The following APBB2 variants were observed in gnomAD, a reference collection of about 807,000 sequenced individuals.
The protein encoded by APBB2 is Fe65-like 1.
A neutral mutation model predicts 82.5 loss-of-function variants in APBB2; 38 were observed. That is an observed-to-expected ratio of 0.46 (90% CI 0.36 to 0.60). The LOEUF is 0.60. APBB2 is among the 20% of genes least tolerant of loss of function. APBB2 has a pLI of 0.00. For missense variants in APBB2, 772 were observed against 972.3 expected, an observed-to-expected ratio of 0.79 and a Z score of 2.74; for synonymous variants, 341 against 368.2, an observed-to-expected ratio of 0.93 and a Z score of 0.85.
In APBB2 at chr4:41,180,354, C is replaced by G. The variant is rs138413179; in HGVS notation, c.-417+34051G>C. Among the ~76,000 whole-genome samples the G allele has an allele frequency of 8.4e-3, 1,285 of 152,262 alleles. 29 individuals are homozygous for G. The highest frequency in any genetic ancestry group is 0.03 in the African/African-American group (1,239 of 41,530). ...ACACAGTGGCTCACGTCAGTAATCCCAGCCCCATGGGAGGGGGAGACGGGA... is the reference window on the plus strand; with the variant it reads ...ACACAGTGGCTCACGTCAGTAATCCGAGCCCCATGGGAGGGGGAGACGGGA... On this transcript the variant is annotated intron_variant, in intron 1 of 17. Coordinates refer to ENST00000508593, the MANE Select transcript of APBB2 (RefSeq NM_004307.2).
intron 2 of APBB2, among the ~76,000 whole-genome samples, chr4:41,141,320 G>C (rs1359665666): frequency 6.0e-5 from 2 of 33,204 alleles, no homozygotes; most frequent in African/African-American, 8.0e-5. Context: ...GTGTCTGTGT[G>C]TGTGTGTGTG....
At position 40,810,077 on chromosome 4, in the gene APBB2, TTACA is replaced by T. The variant is rs1350901197; in HGVS notation, c.*6011_*6014del. On this transcript the variant is annotated 3_prime_UTR_variant, in exon 18 of 18. Transcript: ENST00000508593. ...TTTGCAATTCAGTTGTATAGAAATGTTACATAAATTCCTAAATGCTCAATTCAGG... is the reference window on the plus strand; with the variant it reads ...TTTGCAATTCAGTTGTATAGAAATGTTAAATTCCTAAATGCTCAATTCAGG... 1.3e-5 allele frequency: 2 copies of T among 152,226 alleles called. No individual in the cohort carries two copies. Among genetic ancestry groups the T allele is most frequent in the African/African-American group, 2.4e-5 (1 of 41,464 alleles). 9.4% of individuals were successfully genotyped at this position (152,226 alleles called of 1,614,324 possible). A position where few individuals can be genotyped will look rare whatever the true frequency, so the allele number is the denominator to read the frequency against.
At chr4:41,136,930 T>C (rs182973551) in intron 2 of APBB2, among the ~76,000 whole-genome samples, 1 of 152,336 alleles carries the variant, frequency 6.6e-6, no homozygotes, top group Non-Finnish European at 1.5e-5. Context: ...TCAATGTTTA[T>C]GCATCCATAA....
At chr4:40,886,191 T>A (rs1770198198) in intron 12 of APBB2, among the ~76,000 whole-genome samples, 1 of 152,280 alleles carries the variant, frequency 6.6e-6, no homozygotes, top group African/African-American at 2.4e-5. Context: ...TCAGAAATTA[T>A]GTTTTGGCTG....
intron 1 of APBB2, among the ~76,000 whole-genome samples, chr4:41,207,556 C>T (rs75838419): frequency 0.034 from 5,149 of 152,310 alleles, 284 homozygotes; most frequent in African/African-American, 0.12. Context: ...ATTCACACTT[C>T]AACCACTTGC....
intron 2 of APBB2, among the ~76,000 whole-genome samples, chr4:41,141,588 C>T (rs1759221202): frequency 6.6e-6 from 1 of 152,162 alleles, no homozygotes. Flanking sequence ...TACTATGGCC[C>T]CTCCAAAGAT....
At position 40,961,535 on chromosome 4, in the gene APBB2, C is replaced by T. The variant is rs186106545; in HGVS notation, c.836-16462G>A. Among the ~76,000 whole-genome samples, 996 of 149,882 alleles carry T rather than the reference C, an allele frequency of 6.6e-3. 5 individuals carry two copies. Among genetic ancestry groups the T allele is most frequent in the African/African-American group, 0.023 (953 of 40,696 alleles). On this transcript the variant is annotated intron_variant, in intron 6 of 17. Coordinates refer to ENST00000508593, the MANE Select transcript of APBB2 (RefSeq NM_004307.2). ...GGGAGGGATAGCATTGGGAGATATA[C>T]CTAATGCTAGATGTCGAGTTAGTGG...
chr4:40,851,347 T>C (rs1459975653), intron 12 of APBB2, among the ~76,000 whole-genome samples: 2 of 152,168 alleles, frequency 1.3e-5, no homozygotes, highest in East Asian at 3.9e-4. Context: ...GCGGCAGCCA[T>C]GTGGACGTCT....
chr4:40,820,806 A>G (rs994186394), intron 17 of APBB2, among the ~76,000 whole-genome samples: 2 of 152,150 alleles, frequency 1.3e-5, no homozygotes, highest in Admixed American at 1.3e-4. Context: ...ACTCGGGCCC[A>G]GCACCCAACC....
intron 12 of APBB2, among the ~76,000 whole-genome samples, chr4:40,864,970 C>A (rs1255183432): frequency 6.6e-6 from 1 of 151,362 alleles, no homozygotes; most frequent in African/African-American, 2.4e-5. Context: ...GCAATTCTCC[C>A]ATCTCAGCCT....
chr4:41,194,321 C>CA, intron 1 of APBB2, among the ~76,000 whole-genome samples: 1 of 151,966 alleles, frequency 6.6e-6, no homozygotes, highest in Non-Finnish European at 1.5e-5. Flanking sequence ...AACTCTCTCT[C>CA]AAAAAAGAAA....
chr4:40,883,617 C>G (rs1361652236), intron 12 of APBB2, among the ~76,000 whole-genome samples: 1 of 150,964 alleles, frequency 6.6e-6, no homozygotes, highest in Non-Finnish European at 1.5e-5. Flanking sequence ...TCAAGCTTAA[C>G]TCTACGGAAC....
chr4:40,879,578 G>A (rs1262716931), intron 12 of APBB2, among the ~76,000 whole-genome samples: 1 of 152,106 alleles, frequency 6.6e-6, no homozygotes, highest in Non-Finnish European at 1.5e-5. Context: ...GACTCACTAT[G>A]AACTAGAGAT....
chr4:40,947,937 T>C (rs765815764), intron 6 of APBB2, among the ~76,000 whole-genome samples: 6 of 152,176 alleles, frequency 3.9e-5, no homozygotes, highest in Non-Finnish European at 5.9e-5. Context: ...ATTAGGTCTT[T>C]CAATGATGGG....
intron 6 of APBB2, among the ~76,000 whole-genome samples, chr4:41,004,836 CAAAAAAAAAA>C (rs34941899): frequency 8.7e-4 from 43 of 49,274 alleles, no homozygotes; most frequent in African/African-American, 2.8e-3. Flanking sequence ...GACCCCATCT[CAAAAAAAAAA>C]AAAAAAAAAA....
At position 40,816,186 on chromosome 4, in the gene APBB2, G is replaced by C. The variant is rs1210710516; in HGVS notation, c.2186C>G (p.Ser729Ter). The C allele has an allele frequency of 6.2e-7, 1 of 1,614,236 alleles. No homozygotes were observed. The highest frequency in any genetic ancestry group is 2.2e-5 in the East Asian group (1 of 44,890). The change falls in exon 18 of 18, where the codon TCA (serine) becomes TGA (stop). Residue 729 changes from serine to a stop codon, truncating the protein, a stop_gained. Transcript: ENST00000508593. LOFTEE classifies it high-confidence loss of function. ...KVRPPPPPAD[S>*]VTRRVTTNVK... ...ATTGGTTGTGACTCTTCTGGTTACT[G>C]AATCTGCTGGCGGTGGAGGTGGTCG...
At chr4:41,033,594 A>T (rs1356958211) in intron 4 of APBB2, among the ~76,000 whole-genome samples, 18 of 149,714 alleles carry the variant, frequency 1.2e-4, no homozygotes, top group Non-Finnish European at 2.7e-4. Flanking sequence ...TCACACACAC[A>T]CACACACACA....
chr4:41,197,121 T>A, intron 1 of APBB2, among the ~76,000 whole-genome samples: 1 of 152,254 alleles, frequency 6.6e-6, no homozygotes, highest in Admixed American at 6.5e-5. Context: ...GTTTATTTTT[T>A]TTATTTTGCC....
intron 6 of APBB2, among the ~76,000 whole-genome samples, chr4:41,001,142 C>T (rs1805112384): frequency 6.6e-6 from 1 of 152,190 alleles, no homozygotes; most frequent in Non-Finnish European, 1.5e-5. Context: ...CCCATCAGCC[C>T]CTTCCCAATG....
Sources: gnomAD v4.1 joint callset for allele counts (sites outside exome capture counted in the v4.1 genomes callset) on GRCh38, gnomAD v4.1.1 for gene constraint, MANE v1.5 for transcripts, NCBI Gene and HGNC (gene_info 2026-07-23, HGNC 2026-07-21) for gene names.